PRKAR2B: variants seen among roughly 807,000 people sequenced by gnomAD.
PRKAR2B encodes the protein protein kinase cAMP-dependent type II regulatory subunit beta, also known as cAMP-dependent protein kinase type II-beta regulatory subunit.
Under a neutral mutation model 49.9 loss-of-function variants are expected in PRKAR2B, and 14 were observed. The observed-to-expected ratio is 0.28, with a 90% CI of 0.19 to 0.44. PRKAR2B has a LOEUF of 0.44. PRKAR2B is among the 20% of genes least tolerant of loss of function. PRKAR2B has a pLI of 1.00. For synonymous variants in PRKAR2B, 196 were observed against 197.7 expected (o/e 0.99, Z 0.07); for missense variants, 393 against 537.9 (o/e 0.73, Z 2.67).
chr7:107,070,104 T>C (rs1441278200), intron 1 of PRKAR2B, 177 bp from the exon 2 acceptor site: 1 of 475,576 alleles, frequency 2.1e-6, no homozygotes, highest in Non-Finnish European at 3.7e-6. Context: ...CAATTTATAT[T>C]TATTTGATTA....
intron 1 of PRKAR2B, among the ~76,000 whole-genome samples, chr7:107,055,751 C>T (rs2116753460): frequency 6.6e-6 from 1 of 152,262 alleles, no homozygotes; most frequent in Admixed American, 6.5e-5. Context: ...AATTTTCTCC[C>T]ATTCTGTAGG....
intron 2 of PRKAR2B, among the ~76,000 whole-genome samples, chr7:107,114,369 TG>T (rs1234809851): frequency 3.5e-5 from 5 of 141,212 alleles, no homozygotes; most frequent in African/African-American, 1.4e-4. Context: ...TGTGTGTGTG[TG>T]TGTGTGTTTG....
chr7:107,147,311 CA>C (rs969495041), intron 6 of PRKAR2B, among the ~76,000 whole-genome samples: 1 of 151,720 alleles, frequency 6.6e-6, no homozygotes, highest in Non-Finnish European at 1.5e-5. Flanking sequence ...GACTCTGTCT[CA>C]AAAAAAATCC....
intron 2 of PRKAR2B, among the ~76,000 whole-genome samples, chr7:107,106,725 A>C (rs867217451): frequency 1.8e-4 from 27 of 151,956 alleles, no homozygotes; most frequent in African/African-American, 5.8e-4. Flanking sequence ...TAAAAGCCGG[A>C]GGGGTGTTTG....
rs564562965 is a variant in PRKAR2B, at chr7:107,118,981, A to C, written c.344-2971A>C. 2.6e-5 allele frequency among the ~76,000 whole-genome samples: 4 copies of C among 152,318 alleles called. No individual in the cohort carries two copies. The East Asian group carries it at 5.8e-4, about 22-fold the overall frequency. On this transcript the variant is annotated intron_variant, in intron 2 of 10. Transcript: ENST00000265717. Reference sequence around the variant, plus strand: ...TACTGGCACAATGTATAGTTCAGTGAAACAGCCCAGAAACAGACAAACACA... The same window carrying C: ...TACTGGCACAATGTATAGTTCAGTGCAACAGCCCAGAAACAGACAAACACA...
chr7:107,158,642 T>C (rs1387861149), intron 10 of PRKAR2B, among the ~76,000 whole-genome samples: 3 of 152,220 alleles, frequency 2.0e-5, no homozygotes, highest in African/African-American at 2.4e-5. Flanking sequence ...TTCTGTATTA[T>C]AGGAGTTTTC....
In PRKAR2B at chr7:107,090,734, C is replaced by CTGT. The variant is rs201020119; in HGVS notation, c.343+20420_343+20422dup. Among the ~76,000 whole-genome samples the CTGT allele has an allele frequency of 3.7e-3, 560 of 152,300 alleles. 3 individuals carry two copies. The highest frequency in any genetic ancestry group is 0.013 in the African/African-American group (533 of 41,560). On this transcript the variant is annotated intron_variant, in intron 2 of 10. Coordinates refer to ENST00000265717, the MANE Select transcript of PRKAR2B (RefSeq NM_002736.3). The stretch of plus-strand genomic sequence containing the variant: ...CTTCTGTGAGGGAAGCTCAAGTCAC[C>CTGT]TGTTTCACCACCTGCTGTGCAACTG...
intron 2 of PRKAR2B, chr7:107,077,105 A>C (rs747196980): frequency 6.6e-6 from 1 of 152,204 alleles, no homozygotes; most frequent in African/African-American, 2.4e-5. Context: ...TATATTGTCA[A>C]ACCAATTTGC....
Position 107,045,176 on chromosome 7 carries a change from A to G in PRKAR2B, c.269A>G (p.Glu90Gly). ...CAGTCCGACTCCGAGGACGGGGAGGAGGAGGAGGCGGCGCCCGCGGACGCA... is the reference window on the plus strand; with the variant it reads ...CAGTCCGACTCCGAGGACGGGGAGGGGGAGGAGGCGGCGCCCGCGGACGCA... ...PMQSDSEDGE[E>G]EEAAPADAGA... The change falls in exon 1 of 11, where the codon GAG (glutamate) becomes GGG (glycine). Residue 90 changes from glutamate (E) to glycine (G), a missense_variant. This residue lies in a region of PRKAR2B where 160 missense variants were observed against 147.6 expected (regional missense o/e 1.08). Coordinates refer to ENST00000265717, the MANE Select transcript of PRKAR2B (RefSeq NM_002736.3). 1 of 1,468,736 alleles carries G rather than the reference A, an allele frequency of 6.8e-7. No individual in the cohort carries two copies. Among genetic ancestry groups the G allele is most frequent in the Non-Finnish European group, 9.0e-7 (1 of 1,111,092 alleles). 91.0% of individuals were successfully genotyped at this position (1,468,736 alleles called of 1,614,324 possible).
intron 4 of PRKAR2B, among the ~76,000 whole-genome samples, chr7:107,129,885 G>C (rs772909983): frequency 1.3e-5 from 2 of 152,088 alleles, no homozygotes; most frequent in African/African-American, 4.8e-5. Flanking sequence ...GGTCACTCTC[G>C]TCACCATCTC....
chr7:107,093,545 G>A (rs1187503104), intron 2 of PRKAR2B, among the ~76,000 whole-genome samples: 3 of 150,086 alleles, frequency 2.0e-5, no homozygotes, highest in African/African-American at 4.9e-5. Flanking sequence ...AAGTTCTAGG[G>A]TACATGTGTA....
intron 5 of PRKAR2B, among the ~76,000 whole-genome samples, chr7:107,144,847 G>A (rs1010602242): frequency 7.9e-6 from 1 of 126,480 alleles, no homozygotes; most frequent in Admixed American, 8.9e-5. Flanking sequence ...CTGTGTTAGG[G>A]TTTAGTCAAC....
rs10261881 is a variant in PRKAR2B at position 107,141,205 on chromosome 7, A to T, written c.587+252A>T. Among the ~76,000 whole-genome samples the T allele has an allele frequency of 3.9e-5, 6 of 152,218 alleles. No individual in the cohort carries two copies. The East Asian group carries it at 9.7e-4, about 24-fold the overall frequency. ...AATCTGTAAATGTCAGTCATTTAAC[A>T]TGAGCATCTTCATTTGCTGAATTCT... On this transcript the variant is annotated intron_variant, in intron 5 of 10. Transcript: ENST00000265717.
chr7:107,088,363 C>A lies in PRKAR2B; in HGVS notation c.343+18047C>A, dbSNP rs930409266. ...AGAGAATGCCTCTCTCAGGAGCTGA[C>A]ATTTCAGCCAAGGCCTGGGAAGTAC... On this transcript the variant is annotated intron_variant, in intron 2 of 10. Coordinates refer to ENST00000265717, the MANE Select transcript of PRKAR2B (RefSeq NM_002736.3). 2.0e-5 allele frequency among the ~76,000 whole-genome samples: 3 copies of A among 152,068 alleles called. No individual in the cohort carries two copies. In the South Asian group the frequency reaches 6.2e-4, roughly 32 times the overall value.
At chr7:107,123,325 C>T (rs1396958456) in intron 3 of PRKAR2B, among the ~76,000 whole-genome samples, 1 of 152,198 alleles carries the variant, frequency 6.6e-6, no homozygotes, top group Non-Finnish European at 1.5e-5. Flanking sequence ...TTGGCAGGTT[C>T]ACTCCAGCTA....
At chr7:107,058,043 A>G (rs1415490927) in intron 1 of PRKAR2B, among the ~76,000 whole-genome samples, 1 of 150,478 alleles carries the variant, frequency 6.6e-6, no homozygotes, top group African/African-American at 2.5e-5. Flanking sequence ...TGAGGTAAAT[A>G]GTCCGACTTG....
intron 4 of PRKAR2B, among the ~76,000 whole-genome samples, chr7:107,139,487 A>C (rs974976778): frequency 6.6e-6 from 1 of 152,116 alleles, no homozygotes; most frequent in African/African-American, 2.4e-5. Flanking sequence ...GTGTCAACTA[A>C]TCTCTGCAGG....
At chr7:107,106,408 C>T (rs1795073351) in intron 2 of PRKAR2B, among the ~76,000 whole-genome samples, 2 of 152,144 alleles carry the variant, frequency 1.3e-5, no homozygotes, top group African/African-American at 4.8e-5. Flanking sequence ...TTATCCTCTA[C>T]CATACATCAG....
intron 2 of PRKAR2B, among the ~76,000 whole-genome samples, chr7:107,089,086 T>C (rs576215073): frequency 6.6e-6 from 1 of 152,156 alleles, no homozygotes; most frequent in African/African-American, 2.4e-5. Flanking sequence ...GGAGAATTGC[T>C]TGAACCTGGG....
Sources: gnomAD v4.1 joint callset for allele counts (sites outside exome capture counted in the v4.1 genomes callset) on GRCh38, gnomAD v4.1.1 for gene constraint, gnomAD v4.1.1 regional missense constraint, MANE v1.5 for transcripts, NCBI Gene and HGNC (gene_info 2026-07-23, HGNC 2026-07-21) for gene names.